Variants in NBPF8 observed in about 807,000 individuals in gnomAD.
The protein encoded by NBPF8 is NBPF member 8, also known as NBPF family member NBPF8.
chr1:120,433,237 G>T (rs1660934454), upstream of NBPF8: 1 of 152,246 alleles, frequency 6.6e-6, no homozygotes, highest in East Asian at 1.9e-4. Flanking sequence ...GAATAAGCAA[G>T]TCGGTATTGA....
At chr1:120,456,369 A>G (rs1366872457) in intron 16 of NBPF8, among the ~76,000 whole-genome samples, 1 of 149,628 alleles carries the variant, frequency 6.7e-6, no homozygotes, top group Non-Finnish European at 1.5e-5. Flanking sequence ...CTGGGGTGTT[A>G]AAGTCTCCCA....
chr1:120,436,586 G>C (rs1426597835), exon 1 of NBPF8: 13 of 1,600,850 alleles, frequency 8.1e-6, no homozygotes, highest in African/African-American at 1.3e-5. Context: ...AGAAATCAAC[G>C]AGAAATTGCG....
chr1:120,431,822 C>A (rs1238804092), upstream of NBPF8, among the ~76,000 whole-genome samples: 5 of 150,824 alleles, frequency 3.3e-5, no homozygotes, highest in East Asian at 4.0e-4. Context: ...TCCAGACCAA[C>A]CTGAGGGGCG....
intron 15 of NBPF8, among the ~76,000 whole-genome samples, chr1:120,454,596 C>A (rs1161669515): frequency 9.3e-5 from 14 of 151,152 alleles, no homozygotes; most frequent in African/African-American, 2.7e-4. Flanking sequence ...AGTACGGAAA[C>A]TTTTCTTCTT....
rs1312686101 is a variant in NBPF8 at position 120,464,175 on chromosome 1, G to GTGTC, written n.3287-191_3287-188dup. Among the ~76,000 whole-genome samples the GTGTC allele has an allele frequency of 1.3e-3, 108 of 85,772 alleles. 2 individuals carry two copies. The highest frequency in any genetic ancestry group is 4.4e-3 in the African/African-American group (75 of 17,142). 56.3% of individuals were successfully genotyped at this position (85,772 alleles called of 152,430 possible). ...TGTGTGTGTGTGTGTGTGTGTGTGT[G>GTGTC]TGTCTGTCTGTCTTTCTCTTTCATT... On this transcript the variant is annotated intron_variant and non_coding_transcript_variant, in intron 22 of 24. Coordinates refer to ENST00000583271, the Ensembl canonical transcript of NBPF8.
upstream of NBPF8, among the ~76,000 whole-genome samples, chr1:120,434,518 CA>C (rs1187153230): frequency 1.3e-5 from 2 of 149,002 alleles, no homozygotes; most frequent in African/African-American, 2.5e-5. Context: ...GCCCTCACCC[CA>C]TGACAGGCCC....
chr1:120,442,968 G>C lies in NBPF8; in HGVS notation n.1076G>C, dbSNP rs1226016455. On this transcript the variant is annotated non_coding_transcript_exon_variant, in exon 6 of 25. Coordinates refer to ENST00000583271, the Ensembl canonical transcript of NBPF8. ...AATTGCACCCCCAGCTGGCAGAGAA[G>C]AAACAGCAGTTCGTAAACCTCAAAG... 1,574 of 181,986 alleles carry C rather than the reference G, an allele frequency of 8.6e-3. 21 individuals carry two copies. Among genetic ancestry groups the C allele is most frequent in the East Asian group, 0.063 (687 of 10,850 alleles). The allele number at this position is 181,986 out of a possible 1,614,324, so 11.3% of individuals were successfully genotyped here.
At chr1:120,452,207 G>A (rs1397600586) in exon 13 of NBPF8, 4 of 1,277,528 alleles carry the variant, frequency 3.1e-6, no homozygotes, top group Non-Finnish European at 3.4e-6. Context: ...CCCTCTCATT[G>A]AATGAGCATC....
chr1:120,450,104 G>A (rs1217461390), intron 11 of NBPF8, among the ~76,000 whole-genome samples: 1 of 152,078 alleles, frequency 6.6e-6, no homozygotes, highest in African/African-American at 2.4e-5. Flanking sequence ...GCAGGTGACT[G>A]TAATCACCCC....
At chr1:120,460,975 C>T (rs1445074808) in intron 18 of NBPF8, among the ~76,000 whole-genome samples, 9 of 151,344 alleles carry the variant, frequency 5.9e-5, no homozygotes, top group Non-Finnish European at 1.0e-4. Context: ...TCCTTTGACT[C>T]CCTCATCAGT....
At chr1:120,416,797 T>G (rs1275847970), upstream of NBPF8, among the ~76,000 whole-genome samples, 1 of 151,828 alleles carries the variant, frequency 6.6e-6, no homozygotes, top group Non-Finnish European at 1.5e-5. Context: ...GTTGTACCAT[T>G]TAGCAGGGAT....
chr1:120,456,863 G>T (rs1353546434), intron 16 of NBPF8, among the ~76,000 whole-genome samples: 2 of 151,840 alleles, frequency 1.3e-5, no homozygotes, highest in African/African-American at 4.8e-5. Flanking sequence ...TAGCGTCAAT[G>T]GTCTTTACAG....
chr1:120,450,505 A>G (rs1182385624), intron 11 of NBPF8, among the ~76,000 whole-genome samples: 1 of 152,130 alleles, frequency 6.6e-6, no homozygotes, highest in Non-Finnish European at 1.5e-5. Context: ...TGCTGCAGTG[A>G]ATTACATGAG....
intron 16 of NBPF8, 61 bp downstream of exon 14, chr1:120,455,521 G>C (rs1661410803): frequency 1.9e-6 from 1 of 529,290 alleles, no homozygotes; most frequent in Non-Finnish European, 3.3e-6. Context: ...TGTAGATTTA[G>C]GGAAAATGAG....
intron 18 of NBPF8, among the ~76,000 whole-genome samples, chr1:120,461,016 C>CTGTGTGTGG (rs1661571924): frequency 7.6e-6 from 1 of 131,208 alleles, no homozygotes; most frequent in African/African-American, 2.8e-5. Context: ...TGAGCTCGAA[C>CTGTGTGTGG]TGTGTGTGTG....
chr1:120,455,331 C>G (rs1661405573), intron 15 of NBPF8, 78 bp from the exon 14 acceptor site: 5 of 708,344 alleles, frequency 7.1e-6, no homozygotes, highest in Non-Finnish European at 1.3e-5. Flanking sequence ...TGTCCTTGTG[C>G]TATGATTGGA....
downstream of NBPF8, among the ~76,000 whole-genome samples, chr1:120,468,215 A>G (rs1424956315): frequency 0.03 from 4,276 of 140,794 alleles, no homozygotes; most frequent in African/African-American, 0.13. Flanking sequence ...CTAAACATAT[A>G]CCGGTGACAT....
At chr1:120,415,213 C>A (rs1553244906), upstream of NBPF8, among the ~76,000 whole-genome samples, 1 of 152,292 alleles carries the variant, frequency 6.6e-6, no homozygotes, top group African/African-American at 2.4e-5. Flanking sequence ...CGAGGCGCGG[C>A]GCACGGATGC....
chr1:120,452,170 A>G (rs1570939083), exon 13 of NBPF8: 14 of 1,602,722 alleles, frequency 8.7e-6, no homozygotes, highest in East Asian at 2.2e-5. Flanking sequence ...CAGTTAAGGG[A>G]GAAGTTGCGG....
Sources: allele counts gnomAD v4.1 joint callset (sites outside exome capture counted in the v4.1 genomes callset), GRCh38; gene constraint gnomAD v4.1.1; transcripts MANE v1.5; gene names NCBI Gene and HGNC (gene_info 2026-07-23, HGNC 2026-07-21).